ARHGEF3: variants seen among roughly 807,000 people sequenced by gnomAD.
The protein encoded by ARHGEF3 is Rho guanine nucleotide exchange factor 3, also known as 59.8 kDA protein.
In ARHGEF3, 28 loss-of-function variants were observed where a neutral mutation model predicts 63.2. The ratio of observed to expected loss-of-function variants is 0.44; its 90% CI spans 0.33 to 0.61. The LOEUF (loss-of-function observed/expected upper bound fraction) is 0.61, where lower values mean the gene tolerates loss of function less well. ARHGEF3 is among the 20% of genes least tolerant of loss of function. The probability of loss-of-function intolerance (pLI) is 0.03; values close to 1 mark genes in which losing one functional copy is unlikely to be tolerated. For synonymous variants in ARHGEF3, 266 were observed against 254.2 expected, an observed-to-expected ratio of 1.05 and a Z score of -0.44; for missense variants, 533 against 659.3, an observed-to-expected ratio of 0.81 and a Z score of 2.10.
chr3:56,828,298 G>A (rs530911312), intron 4 of ARHGEF3, among the ~76,000 whole-genome samples: 1 of 152,180 alleles, frequency 6.6e-6, no homozygotes, highest in East Asian at 1.9e-4. Context: ...TACTTTGGGA[G>A]GCCAAGGTGG....
At chr3:56,851,704 C>T (rs992324741) in intron 4 of ARHGEF3, among the ~76,000 whole-genome samples, 2 of 149,420 alleles carry the variant, frequency 1.3e-5, no homozygotes, top group African/African-American at 2.5e-5. Context: ...TCTTTAAAAA[C>T]AATTTGTTTT....
At chr3:56,805,546 G>A (rs1002191956), upstream of ARHGEF3, among the ~76,000 whole-genome samples, 3 of 152,172 alleles carry the variant, frequency 2.0e-5, no homozygotes, top group Non-Finnish European at 4.4e-5. Flanking sequence ...CCGAAGAAAT[G>A]TTAAAGTGCA....
chr3:56,787,925 C>A (rs529273984), intron 1 of ARHGEF3, among the ~76,000 whole-genome samples: 2 of 152,304 alleles, frequency 1.3e-5, no homozygotes, highest in Admixed American at 1.3e-4. Flanking sequence ...GCTATTAACT[C>A]AGCAAGGCCT....
At chr3:56,993,021 A>C (rs1420248219) in intron 2 of ARHGEF3, among the ~76,000 whole-genome samples, 1 of 151,928 alleles carries the variant, frequency 6.6e-6, no homozygotes, top group African/African-American at 2.4e-5. Flanking sequence ...TTTAGTAGAG[A>C]TGAGAGTTTC....
chr3:56,738,520 A>G (rs2033797357), intron 7 of ARHGEF3, among the ~76,000 whole-genome samples: 1 of 152,150 alleles, frequency 6.6e-6, no homozygotes, highest in Admixed American at 6.5e-5. Flanking sequence ...AAGAACAGAG[A>G]AAAAATAATG....
intron 1 of ARHGEF3, among the ~76,000 whole-genome samples, chr3:57,068,691 T>A (rs2107385360): frequency 6.6e-6 from 1 of 152,274 alleles, no homozygotes; most frequent in South Asian, 2.1e-4. Flanking sequence ...TCACACAAGG[T>A]CAGCCAAGCT....
intron 2 of ARHGEF3, among the ~76,000 whole-genome samples, chr3:56,757,271 G>A (rs1004006696): frequency 6.6e-6 from 1 of 152,194 alleles, no homozygotes; most frequent in African/African-American, 2.4e-5. Flanking sequence ...TCAGCAGTTT[G>A]ACACCAGCCT....
chr3:56,740,187 C>A (rs1028485394), intron 7 of ARHGEF3, among the ~76,000 whole-genome samples: 18 of 151,644 alleles, frequency 1.2e-4, no homozygotes, highest in Non-Finnish European at 2.4e-4. Context: ...CATGAGCCAC[C>A]ATGCCTGGCC....
At position 56,937,553 on chromosome 3, in the gene ARHGEF3, A is replaced by G. The variant is rs117584389; in HGVS notation, c.129+21270T>C. ...ATAAAAAGTTGAAAAATAGCGCACA[A>G]TAAATAAGAATCATGGAAACCATGT... On this transcript the variant is annotated intron_variant, in intron 3 of 12. Coordinates refer to the ARHGEF3 transcript ENST00000338458. 4.6e-4 allele frequency among the ~76,000 whole-genome samples: 70 copies of G among 152,358 alleles called. No homozygotes were observed. In the East Asian group the frequency reaches 8.5e-3, roughly 18 times the overall value.
intron 3 of ARHGEF3, among the ~76,000 whole-genome samples, chr3:56,883,136 C>T (rs959121785): frequency 1.3e-5 from 2 of 152,066 alleles, no homozygotes; most frequent in Non-Finnish European, 2.9e-5. Flanking sequence ...ATCACAGAAC[C>T]CTAATGTTGG....
At chr3:56,787,171 G>A (rs1213517480) in intron 1 of ARHGEF3, among the ~76,000 whole-genome samples, 1 of 152,110 alleles carries the variant, frequency 6.6e-6, no homozygotes, top group South Asian at 2.1e-4. Context: ...GCACTGCCAG[G>A]TTGGGAAGGG....
chr3:56,757,406 G>A (rs776848835), intron 2 of ARHGEF3, among the ~76,000 whole-genome samples: 8 of 152,018 alleles, frequency 5.3e-5, no homozygotes, highest in Non-Finnish European at 7.4e-5. Context: ...CCCAGGAGGC[G>A]GAGATTGCAG....
At chr3:56,901,735 C>T (rs1299708795) in intron 3 of ARHGEF3, among the ~76,000 whole-genome samples, 2 of 152,002 alleles carry the variant, frequency 1.3e-5, no homozygotes, top group African/African-American at 4.8e-5. Flanking sequence ...AGGCACACAC[C>T]ACCATACCCC....
At chr3:56,852,710 A>C (rs76995571) in intron 4 of ARHGEF3, among the ~76,000 whole-genome samples, 1 of 140,604 alleles carries the variant, frequency 7.1e-6, no homozygotes, top group South Asian at 2.3e-4. Flanking sequence ...CTGTAAAAAA[A>C]CCCAATTGTA....
At chr3:57,054,223 T>C (rs964680061) in intron 1 of ARHGEF3, among the ~76,000 whole-genome samples, 2 of 152,210 alleles carry the variant, frequency 1.3e-5, no homozygotes, top group Non-Finnish European at 2.9e-5. Context: ...TTTGTGTACT[T>C]ACATTTTCAT....
chr3:56,910,894 T>C (rs2041837465), intron 3 of ARHGEF3, among the ~76,000 whole-genome samples: 1 of 152,212 alleles, frequency 6.6e-6, no homozygotes, highest in Non-Finnish European at 1.5e-5. Flanking sequence ...AGGCAGGTAC[T>C]ATCAGCATCT....
At chr3:57,032,664 C>T (rs939658557) in intron 2 of ARHGEF3, among the ~76,000 whole-genome samples, 19 of 152,310 alleles carry the variant, frequency 1.2e-4, no homozygotes, top group African/African-American at 4.1e-4. Context: ...AAGTGATCCA[C>T]GCAGAGGCTG....
At chr3:56,956,562 G>A (rs1560082315) in intron 3 of ARHGEF3, among the ~76,000 whole-genome samples, 1 of 152,202 alleles carries the variant, frequency 6.6e-6, no homozygotes, top group African/African-American at 2.4e-5. Flanking sequence ...AGGGAAAACA[G>A]TTGAAGAGGT....
intron 7 of ARHGEF3, among the ~76,000 whole-genome samples, chr3:56,739,343 AAATAATAAT>A (rs1260190405): frequency 2.6e-5 from 4 of 151,848 alleles, no homozygotes; most frequent in Non-Finnish European, 5.9e-5. Context: ...TCATGTCTTA[AAATAATAAT>A]AATAATAATA....
Sources: allele counts gnomAD v4.1 joint callset (sites outside exome capture counted in the v4.1 genomes callset), GRCh38; gene constraint gnomAD v4.1.1; transcripts MANE v1.5; gene names NCBI Gene and HGNC (gene_info 2026-07-23, HGNC 2026-07-21).